SLC7A2: variants seen among roughly 807,000 people sequenced by gnomAD.
The protein encoded by SLC7A2 is cationic amino acid transporter 2.
In SLC7A2, 48 loss-of-function variants were observed where a neutral mutation model predicts 58.9. The observed-to-expected ratio is 0.82, with a 90% CI of 0.65 to 1.04. The LOEUF (loss-of-function observed/expected upper bound fraction) is 1.04, where lower values mean the gene tolerates loss of function less well. SLC7A2 is among the 50% of genes least tolerant of loss of function. The pLI is 0.00. For missense variants in SLC7A2, 1,029 were observed against 818.8 expected (o/e 1.26, Z -3.13); for synonymous variants, 363 against 314.5 (o/e 1.15, Z -1.63).
intron 2 of SLC7A2, 42 bp from the exon 3 acceptor site, chr8:17,543,276 G>C: frequency 6.5e-7 from 1 of 1,541,458 alleles, no homozygotes; most frequent in South Asian, 1.3e-5. Context: ...AGGGAGGGAT[G>C]ACAATTCCAG....
At chr8:17,539,233 G>T (rs1453262742) in intron 2 of SLC7A2, among the ~76,000 whole-genome samples, 1 of 152,184 alleles carries the variant, frequency 6.6e-6, no homozygotes, top group Non-Finnish European at 1.5e-5. Context: ...GTAATTCCAA[G>T]TTGCTGAGGA....
intron 2 of SLC7A2, among the ~76,000 whole-genome samples, chr8:17,527,250 C>T (rs1801256958): frequency 6.6e-6 from 1 of 151,890 alleles, no homozygotes; most frequent in African/African-American, 2.4e-5. Context: ...CCAAGAGGAC[C>T]ACGCTATATA....
chr8:17,500,799 T>C (rs1405008879), intron 1 of SLC7A2, among the ~76,000 whole-genome samples: 9 of 146,128 alleles, frequency 6.2e-5, no homozygotes, highest in African/African-American at 1.0e-4. Flanking sequence ...AACACACACA[T>C]ACACACACAC....
At chr8:17,497,416 G>A (rs1799996469) in intron 1 of SLC7A2, among the ~76,000 whole-genome samples, 179 bp downstream of exon 1, 1 of 152,118 alleles carries the variant, frequency 6.6e-6, no homozygotes, top group African/African-American at 2.4e-5. Context: ...GCGCTCCAGC[G>A]AGTCTTCGTC....
At chr8:17,550,589 A>C (rs1358544159) in intron 6 of SLC7A2, among the ~76,000 whole-genome samples, 155 bp downstream of exon 6, 2 of 152,180 alleles carry the variant, frequency 1.3e-5, no homozygotes, top group Non-Finnish European at 2.9e-5. Context: ...GCTGATGATA[A>C]AAAGAAAGAA....
At chr8:17,514,321 C>G (rs929543343) in intron 2 of SLC7A2, among the ~76,000 whole-genome samples, 2 of 119,304 alleles carry the variant, frequency 1.7e-5, no homozygotes, top group Non-Finnish European at 2.0e-5. Context: ...AGTGATTGAT[C>G]CAACATTTAT....
Position 17,564,982 on chromosome 8 carries a change from C to T in SLC7A2, c.1813C>T (p.His605Tyr). 6.2e-7 allele frequency: 1 copy of T among 1,611,018 alleles called. No individual in the cohort carries two copies. ...GATTTACTTTTCTTATGGCATTAGA[C>T]ACAGCCTGGAGGGTCATCTGAGAGA... ...FLIYFSYGIR[H>Y]SLEGHLRDEN... Residue 605 changes from histidine (H) to tyrosine (Y), a missense_variant, in exon 13 of 13, where the codon CAC (histidine) becomes TAC (tyrosine). His to Tyr is a moderately conservative substitution (Grantham distance 83, BLOSUM62 2). Coordinates refer to ENST00000494857, the MANE Select transcript of SLC7A2 (RefSeq NM_001370338.1).
Position 17,560,136 on chromosome 8 carries a change from A to G in SLC7A2, c.1299-192A>G, listed in dbSNP as rs571317699. 4.7e-4 allele frequency among the ~76,000 whole-genome samples: 71 copies of G among 152,010 alleles called. 1 individual carries two copies. The highest frequency in any genetic ancestry group is 1.6e-3 in the African/African-American group (68 of 41,452). On this transcript the variant is annotated intron_variant, in intron 9 of 12. Transcript: ENST00000494857. ...GGTGACTACTGGGGGAAATTGGGGT[A>G]TTTTGCTGCAGTTGTTTTATCGGAA...
chr8:17,514,871 C>G (rs773101387), intron 2 of SLC7A2, among the ~76,000 whole-genome samples: 2 of 152,130 alleles, frequency 1.3e-5, no homozygotes, highest in African/African-American at 4.8e-5. Flanking sequence ...AAAATCTTCT[C>G]TTAGTTTAGA....
chr8:17,561,310 G>T (rs2150779105), intron 10 of SLC7A2, among the ~76,000 whole-genome samples: 1 of 152,298 alleles, frequency 6.6e-6, no homozygotes, highest in East Asian at 1.9e-4. Flanking sequence ...CACAGTCATG[G>T]TGGAAGGCGA....
Position 17,560,476 on chromosome 8 carries a change from T to A in SLC7A2, c.1447T>A (p.Ser483Thr), listed in dbSNP as rs536330311. 5 of 1,613,866 alleles carry A rather than the reference T, an allele frequency of 3.1e-6. No homozygotes were observed. The South Asian group carries it at 5.5e-5, about 18-fold the overall frequency. The change falls in exon 10 of 13, where the codon TCC becomes ACC. Residue 483 changes from serine (S) to threonine (T), a missense_variant. Coordinates refer to ENST00000494857, the MANE Select transcript of SLC7A2 (RefSeq NM_001370338.1). ...CAGCATGCGGACCCTCTTCTGCCCC[T>A]CCCTTCTGCCAACACAGCAGTCAGC... is the stretch of plus-strand genomic sequence containing the variant. Reference protein sequence around the residue: ...GFSMRTLFCPSLLPTQQSASL... With the variant: ...GFSMRTLFCPTLLPTQQSASL...
chr8:17,536,376 C>T (rs865827951), intron 2 of SLC7A2, among the ~76,000 whole-genome samples: 27 of 152,104 alleles, frequency 1.8e-4, no homozygotes, highest in Admixed American at 2.6e-4. Flanking sequence ...ACCAGCCTGG[C>T]CAACATGGGG....
intron 7 of SLC7A2, 52 bp from the exon 8 acceptor site, chr8:17,554,508 T>G: frequency 6.9e-7 from 1 of 1,456,260 alleles, no homozygotes; most frequent in Non-Finnish European, 9.2e-7. Context: ...CGTTCGGGGA[T>G]GTAATCTTGC....
In SLC7A2 at chr8:17,544,490, A is replaced by G. The variant is rs1802070878; in HGVS notation, c.416A>G (p.Asp139Gly). ...SVARAWSGTFDELLSKQIGQF... is the reference protein window; with the variant it reads ...SVARAWSGTFGELLSKQIGQF... ...GCAAGAGCCTGGAGTGGCACCTTTG[A>G]TGAACTTCTTAGCAAACAGATTGGT... The change falls in exon 4 of 13, where the codon GAT (aspartate) becomes GGT (glycine). Residue 139 changes from aspartate (D) to glycine (G), a missense_variant. Coordinates refer to ENST00000494857, the MANE Select transcript of SLC7A2 (RefSeq NM_001370338.1). The G allele has an allele frequency of 1.2e-6, 2 of 1,613,972 alleles. No individual in the cohort carries two copies. Among genetic ancestry groups the G allele is most frequent in the African/African-American group, 1.3e-5 (1 of 74,910 alleles).
chr8:17,498,215 T>A (rs1800025874), intron 1 of SLC7A2, among the ~76,000 whole-genome samples: 3 of 152,212 alleles, frequency 2.0e-5, no homozygotes, highest in Admixed American at 2.0e-4. Flanking sequence ...GAAACACTAA[T>A]CCTTTTAATG....
At chr8:17,502,088 A>G (rs1800182841) in intron 1 of SLC7A2, among the ~76,000 whole-genome samples, 169 bp from the exon 2 acceptor site, 1 of 151,280 alleles carries the variant, frequency 6.6e-6, no homozygotes, top group Non-Finnish European at 1.5e-5. Context: ...ATGTATTCCC[A>G]CCATATGTAT....
chr8:17,561,474 C>G (rs906847200), intron 10 of SLC7A2, among the ~76,000 whole-genome samples: 1 of 152,100 alleles, frequency 6.6e-6, no homozygotes, highest in Non-Finnish European at 1.5e-5. Context: ...GCACTGGGTT[C>G]CTCCCATAAC....
At chr8:17,506,649 A>G (rs1450006978) in intron 2 of SLC7A2, among the ~76,000 whole-genome samples, 2 of 152,246 alleles carry the variant, frequency 1.3e-5, no homozygotes, top group Non-Finnish European at 2.9e-5. Context: ...ATCTGAGGTT[A>G]GACAGCTAGG....
intron 2 of SLC7A2, among the ~76,000 whole-genome samples, chr8:17,524,909 A>T (rs1457336019): frequency 6.6e-6 from 1 of 152,090 alleles, no homozygotes; most frequent in Non-Finnish European, 1.5e-5. Flanking sequence ...CTTGCTGCTT[A>T]TAGTGATAGC....
Sources: gnomAD v4.1 joint callset for allele counts (sites outside exome capture counted in the v4.1 genomes callset) on GRCh38, gnomAD v4.1.1 for gene constraint, MANE v1.5 for transcripts, NCBI Gene and HGNC (gene_info 2026-07-23, HGNC 2026-07-21) for gene names.